Variants in MAP4K4 observed in about 807,000 individuals in gnomAD.
MAP4K4 encodes mitogen-activated protein kinase kinase kinase kinase 4, also known as HPK/GCK-like kinase HGK.
In MAP4K4, 38 loss-of-function variants were observed where a neutral mutation model predicts 189.6. The ratio of observed to expected loss-of-function variants is 0.20; its 90% CI spans 0.15 to 0.26. MAP4K4 has a LOEUF of 0.26. Ranked by LOEUF, MAP4K4 falls within the 10% of genes least tolerant of loss-of-function variation. The probability of loss-of-function intolerance (pLI) is 1.00; values close to 1 mark genes in which losing one functional copy is unlikely to be tolerated. For missense variants in MAP4K4, 1,054 were observed against 1,726.9 expected (o/e 0.61, Z 6.91); for synonymous variants, 610 against 624.3 (o/e 0.98, Z 0.34).
chr2:101,891,937 T>G (rs1368427060), exon 33 of MAP4K4: 1 of 120,188 alleles, frequency 8.3e-6, no homozygotes, highest in African/African-American at 3.3e-5. Flanking sequence ...GGCCAAGAAC[T>G]CAGTCATTTT....
intron 22 of MAP4K4, 165 bp from the exon 23 acceptor site, chr2:101,870,130 G>T: frequency 1.4e-6 from 1 of 706,436 alleles, no homozygotes; most frequent in South Asian, 2.0e-5. Context: ...GCACTGGAAA[G>T]AAATTCTTTG....
intron 2 of MAP4K4, among the ~76,000 whole-genome samples, chr2:101,705,579 C>T (rs1466365720): frequency 1.3e-5 from 2 of 152,100 alleles, no homozygotes; most frequent in Non-Finnish European, 2.9e-5. Context: ...TTTTTTTACT[C>T]GTAGAATCAA....
At chr2:101,826,910 C>T (rs766118814) in intron 5 of MAP4K4, among the ~76,000 whole-genome samples, 2 of 152,052 alleles carry the variant, frequency 1.3e-5, no homozygotes, top group Non-Finnish European at 2.9e-5. Context: ...ACTCCCTGGC[C>T]ATACACATCC....
rs572969354 is a variant in MAP4K4 at position 101,889,049 on chromosome 2, CT to C, written c.4071+119del. On this transcript the variant is annotated intron_variant, in intron 32 of 32. Coordinates refer to ENST00000324219, the Ensembl canonical transcript of MAP4K4. ...AGTTTTGATAAAAATAATCAAGGAA[CT>C]TTTTAAACGTTGCTTTTTAGTCATG... 75 of 1,041,972 alleles carry C rather than the reference CT, an allele frequency of 7.2e-5. 1 individual carries two copies. In the South Asian group the frequency reaches 1.3e-3, roughly 19 times the overall value. 64.5% of individuals were successfully genotyped at this position (1,041,972 alleles called of 1,614,324 possible).
intron 2 of MAP4K4, among the ~76,000 whole-genome samples, chr2:101,767,018 A>G (rs985801305): frequency 6.6e-6 from 1 of 152,204 alleles, no homozygotes; most frequent in South Asian, 2.1e-4. Context: ...TGTACACCCT[A>G]TGTAAATGAA....
intron 3 of MAP4K4, among the ~76,000 whole-genome samples, chr2:101,811,370 C>CAAAACAA (rs2095413125): frequency 1.5e-5 from 1 of 68,902 alleles, no homozygotes. Context: ...GACTGCGTCT[C>CAAAACAA]AAAAAAAAAA....
At chr2:101,821,783 C>A (rs1418711686) in intron 3 of MAP4K4, among the ~76,000 whole-genome samples, 2 of 152,214 alleles carry the variant, frequency 1.3e-5, no homozygotes, top group African/African-American at 4.8e-5. Flanking sequence ...GTTACTGTAA[C>A]TCTTACTTTA....
intron 2 of MAP4K4, among the ~76,000 whole-genome samples, chr2:101,726,691 A>C (rs1259736219): frequency 6.6e-6 from 1 of 152,192 alleles, no homozygotes; most frequent in Non-Finnish European, 1.5e-5. Flanking sequence ...AGGAGTATAG[A>C]ATATATTCCT....
At chr2:101,891,416 C>T in exon 33 of MAP4K4, 1 of 584,394 alleles carries the variant, frequency 1.7e-6, no homozygotes, top group Admixed American at 3.0e-5. Context: ...CTCTTATATA[C>T]CAGTTTATCC....
intron 3 of MAP4K4, among the ~76,000 whole-genome samples, chr2:101,805,480 A>G (rs551224235): frequency 6.6e-6 from 1 of 152,308 alleles, no homozygotes; most frequent in Non-Finnish European, 1.5e-5. Flanking sequence ...GTGGTGTCCC[A>G]CTAACATCCA....
At chr2:101,848,097 C>T (rs956118791) in intron 12 of MAP4K4, among the ~76,000 whole-genome samples, 2 of 152,120 alleles carry the variant, frequency 1.3e-5, no homozygotes, top group South Asian at 4.1e-4. Context: ...TTTGTGTGTG[C>T]ACACTATATG....
At chr2:101,894,631 AT>A (rs1357932680) in exon 33 of MAP4K4, 1 of 152,610 alleles carries the variant, frequency 6.6e-6, no homozygotes, top group East Asian at 1.9e-4. Context: ...ACTGTGTATT[AT>A]GAAAATTACT....
intron 2 of MAP4K4, among the ~76,000 whole-genome samples, chr2:101,784,891 T>C (rs1435008911): frequency 6.6e-6 from 1 of 152,170 alleles, no homozygotes; most frequent in Non-Finnish European, 1.5e-5. Flanking sequence ...CCTAGCCCCC[T>C]CTGAGCTTTA....
intron 13 of MAP4K4, among the ~76,000 whole-genome samples, chr2:101,856,587 T>C (rs1368494666): frequency 6.6e-6 from 1 of 152,236 alleles, no homozygotes; most frequent in Non-Finnish European, 1.5e-5. Flanking sequence ...TATCAGCATG[T>C]AATTCTGTAT....
intron 2 of MAP4K4, among the ~76,000 whole-genome samples, chr2:101,773,572 A>G (rs1391161080): frequency 6.6e-6 from 1 of 152,186 alleles, no homozygotes; most frequent in Non-Finnish European, 1.5e-5. Context: ...CCCCTCATGC[A>G]TTTATCCTTT....
chr2:101,780,627 C>T (rs1022244518), intron 2 of MAP4K4, among the ~76,000 whole-genome samples: 2 of 152,198 alleles, frequency 1.3e-5, no homozygotes, highest in African/African-American at 4.8e-5. Flanking sequence ...GCTACATCTG[C>T]CCTAGCTTTA....
intron 12 of MAP4K4, among the ~76,000 whole-genome samples, chr2:101,846,679 C>T (rs550424779): frequency 6.6e-6 from 1 of 152,280 alleles, no homozygotes; most frequent in South Asian, 2.1e-4. Context: ...TTGTGCTTGT[C>T]ATGTTTTAAT....
At chr2:101,699,042 C>T (rs1053404053) in intron 2 of MAP4K4, among the ~76,000 whole-genome samples, 2 of 152,092 alleles carry the variant, frequency 1.3e-5, no homozygotes, top group African/African-American at 4.8e-5. Context: ...TGGTTGTCAT[C>T]CTTTCTATTG....
chr2:101,869,043 A>G (rs537492352), intron 21 of MAP4K4, among the ~76,000 whole-genome samples: 1 of 152,200 alleles, frequency 6.6e-6, no homozygotes, highest in East Asian at 1.9e-4. Flanking sequence ...TTATTAATAA[A>G]ATATTAAACC....
Sources: gnomAD v4.1 joint callset for allele counts (sites outside exome capture counted in the v4.1 genomes callset) on GRCh38, gnomAD v4.1.1 for gene constraint, MANE v1.5 for transcripts, NCBI Gene and HGNC (gene_info 2026-07-23, HGNC 2026-07-21) for gene names.